The following B3GLCT variants were observed in gnomAD, a reference collection of about 807,000 sequenced individuals.
B3GLCT encodes the protein beta-1,3-glucosyltransferase.
In B3GLCT, 65 loss-of-function variants were observed where a neutral mutation model predicts 63.4. The ratio of observed to expected loss-of-function variants is 1.03; its 90% CI spans 0.84 to 1.26. B3GLCT has a LOEUF of 1.26. Among genes scored for constraint, B3GLCT ranks in the 50% most tolerant of loss-of-function variants. The pLI, the probability that B3GLCT is intolerant of heterozygous loss-of-function variation, is 0.00. For synonymous variants in B3GLCT, 233 were observed against 219.2 expected (o/e 1.06, Z -0.55); for missense variants, 577 against 604.8 (o/e 0.95, Z 0.48).
In B3GLCT at chr13:31,276,767, C is replaced by A; in HGVS notation, c.846C>A (p.Asp282Glu). 2 of 1,609,602 alleles carry A rather than the reference C, an allele frequency of 1.2e-6. No individual in the cohort carries two copies. The highest frequency in any genetic ancestry group is 1.7e-6 in the Non-Finnish European group (2 of 1,176,098). The change falls in exon 10 of 15, where the codon GAC becomes GAA. Residue 282 changes from aspartate (D) to glutamate (E), a missense_variant. By Grantham distance (45) the Asp-to-Glu change is conservative (BLOSUM62 2). Transcript: ENST00000343307. ...AVKTCKKFHG[D>E]RIPIVKQTWE... ...AAACATGCAAGAAATTTCATGGTGA[C>A]AGAAGTATGTTTTGGGTTATTCATT...
chr13:31,302,141 G>A (rs936093717), intron 12 of B3GLCT, among the ~76,000 whole-genome samples: 1 of 152,118 alleles, frequency 6.6e-6, no homozygotes, highest in African/African-American at 2.4e-5. Flanking sequence ...AGACCTCAAG[G>A]TAAAGCTTAG....
At chr13:31,226,157 G>A (rs1870092590) in intron 3 of B3GLCT, among the ~76,000 whole-genome samples, 1 of 152,168 alleles carries the variant, frequency 6.6e-6, no homozygotes. Context: ...GCCCCCGATT[G>A]TCTGGGCTCC....
intron 5 of B3GLCT, 84 bp downstream of exon 5, chr13:31,247,183 T>C (rs1213679762): frequency 6.3e-6 from 7 of 1,115,752 alleles, no homozygotes; most frequent in Non-Finnish European, 9.5e-6. Flanking sequence ...TAAGAGGGTG[T>C]GGTTTTCCTC....
At chr13:31,274,022 T>G (rs994938217) in intron 8 of B3GLCT, among the ~76,000 whole-genome samples, 4 of 152,116 alleles carry the variant, frequency 2.6e-5, no homozygotes, top group African/African-American at 9.7e-5. Flanking sequence ...CCTTGGTGCC[T>G]TTTTTTCCCC....
At chr13:31,245,383 A>G (rs1383078050) in intron 4 of B3GLCT, among the ~76,000 whole-genome samples, 5 of 152,190 alleles carry the variant, frequency 3.3e-5, no homozygotes, top group Admixed American at 1.3e-4. Context: ...TTTTCCTTCA[A>G]TGTTTAAAAA....
chr13:31,289,089 GA>G (rs1275937217), intron 12 of B3GLCT, among the ~76,000 whole-genome samples: 10 of 151,880 alleles, frequency 6.6e-5, no homozygotes, highest in Admixed American at 6.6e-4. Context: ...AAAATTCATT[GA>G]AGGAAATACA....
chr13:31,294,623 TCA>T (rs1291029381), intron 12 of B3GLCT, among the ~76,000 whole-genome samples: 1 of 152,222 alleles, frequency 6.6e-6, no homozygotes, highest in Non-Finnish European at 1.5e-5. Flanking sequence ...TGTGTGTGCT[TCA>T]CAAAGTTCTC....
intron 3 of B3GLCT, among the ~76,000 whole-genome samples, chr13:31,223,573 T>C (rs1869938913): frequency 6.6e-6 from 1 of 152,106 alleles, no homozygotes; most frequent in Non-Finnish European, 1.5e-5. Flanking sequence ...TGAAACACCC[T>C]CTCCGCCATA....
intron 1 of B3GLCT, among the ~76,000 whole-genome samples, chr13:31,211,594 T>A (rs1447117511): frequency 6.6e-6 from 1 of 151,992 alleles, no homozygotes; most frequent in Non-Finnish European, 1.5e-5. Context: ...TTTGGGTTTT[T>A]TTTTTTTTAA....
intron 8 of B3GLCT, among the ~76,000 whole-genome samples, chr13:31,270,839 G>T (rs1232065195): frequency 1.3e-5 from 2 of 152,172 alleles, no homozygotes; most frequent in Admixed American, 6.5e-5. Flanking sequence ...AGCTAATCTG[G>T]ATTCTTGTCT....
intron 8 of B3GLCT, among the ~76,000 whole-genome samples, chr13:31,273,582 T>C (rs1872660614): frequency 6.6e-6 from 1 of 152,230 alleles, no homozygotes; most frequent in Admixed American, 6.5e-5. Flanking sequence ...TGGCTCTTGT[T>C]CGTTATCTTA....
At chr13:31,316,404 G>GC (rs1875012309) in intron 12 of B3GLCT, among the ~76,000 whole-genome samples, 2 of 41,710 alleles carry the variant, frequency 4.8e-5, no homozygotes, top group Non-Finnish European at 1.0e-4. Flanking sequence ...GATTTTGGAG[G>GC]TTTTATATAT....
chr13:31,232,365 A>G (rs1045873430), intron 4 of B3GLCT, among the ~76,000 whole-genome samples: 8 of 152,176 alleles, frequency 5.3e-5, no homozygotes, highest in African/African-American at 1.7e-4. Flanking sequence ...ACTTTCAATC[A>G]TGGCAGAAGG....
At chr13:31,200,355 G>A (rs1323709769) in intron 1 of B3GLCT, among the ~76,000 whole-genome samples, 1 of 149,038 alleles carries the variant, frequency 6.7e-6, no homozygotes, top group Non-Finnish European at 1.5e-5. Context: ...CCCGGGCCCG[G>A]GACCCGAGGC....
chr13:31,246,929 CT>C, intron 4 of B3GLCT, 93 bp from the exon 5 acceptor site: 1 of 991,450 alleles, frequency 1.0e-6, no homozygotes, highest in Non-Finnish European at 1.5e-6. Flanking sequence ...TTCTTTTTTT[CT>C]TTTTTCTTTT....
intron 3 of B3GLCT, 142 bp downstream of exon 3, chr13:31,223,133 C>T (rs1593254348): frequency 1.7e-5 from 11 of 648,132 alleles, no homozygotes; most frequent in South Asian, 1.3e-4. Context: ...CCCAGCCTAA[C>T]GTTTGCTCTC....
intron 4 of B3GLCT, among the ~76,000 whole-genome samples, chr13:31,241,022 G>A (rs1870914596): frequency 1.3e-5 from 2 of 152,060 alleles, no homozygotes; most frequent in Non-Finnish European, 2.9e-5. Context: ...TTTTATACAT[G>A]TGTCTTTATA....
intron 14 of B3GLCT, 125 bp downstream of exon 14, chr13:31,324,020 A>T (rs1014845071): frequency 8.1e-7 from 1 of 1,236,614 alleles, no homozygotes; most frequent in African/African-American, 1.5e-5. Context: ...GACAGGCTCC[A>T]GGGGAATGTC....
intron 10 of B3GLCT, among the ~76,000 whole-genome samples, chr13:31,283,604 T>TTA (rs80069278): frequency 0.21 from 32,028 of 150,544 alleles, 3,363 homozygotes; most frequent in East Asian, 0.22. Context: ...TCAGTTTTTT[T>TTA]AAAAAAAAAG....
Sources: gnomAD v4.1 joint callset for allele counts (sites outside exome capture counted in the v4.1 genomes callset) on GRCh38, gnomAD v4.1.1 for gene constraint, MANE v1.5 for transcripts, NCBI Gene and HGNC (gene_info 2026-07-23, HGNC 2026-07-21) for gene names.